Variants in NBAS observed in about 807,000 individuals in gnomAD.
NBAS encodes the protein NBAS subunit of NRZ tethering complex, also known as NAG/BC035112 fusion.
In NBAS, 219 loss-of-function variants were observed where a neutral mutation model predicts 302.5. That is an observed-to-expected ratio of 0.72 (90% CI 0.65 to 0.81). NBAS has a LOEUF of 0.81. NBAS is among the 30% of genes least tolerant of loss of function. NBAS has a pLI of 0.00. For missense variants in NBAS, 2,932 were observed against 2,841.6 expected (o/e 1.03, Z -0.72); for synonymous variants, 1,118 against 1,021.6 (o/e 1.09, Z -1.80).
chr2:15,331,895 T>C (rs75763335), intron 35 of NBAS, among the ~76,000 whole-genome samples: 8,343 of 152,270 alleles, frequency 0.055, 329 homozygotes, highest in Non-Finnish European at 0.082. Flanking sequence ...TCCTGAATTA[T>C]CTGAGTAGGA....
the NBAS span, among the ~76,000 whole-genome samples, chr2:14,888,204 C>T: frequency 3.3e-5 from 5 of 152,172 alleles, no homozygotes; most frequent in Admixed American, 1.3e-4. Flanking sequence ...AATCCCAGCT[C>T]ACGGCAACCT....
chr2:15,516,691 C>G (rs1037593216), intron 9 of NBAS, among the ~76,000 whole-genome samples: 1 of 150,862 alleles, frequency 6.6e-6, no homozygotes, highest in Admixed American at 6.6e-5. Flanking sequence ...CCACTGCACT[C>G]CAGCTTGGGC....
the NBAS span, among the ~76,000 whole-genome samples, chr2:14,847,723 C>T: frequency 1.3e-3 from 199 of 152,236 alleles, no homozygotes; most frequent in African/African-American, 4.5e-3. Flanking sequence ...TGGACAGATC[C>T]TCCAGACAGA....
At chr2:14,854,031 C>A in the NBAS span, among the ~76,000 whole-genome samples, 1 of 145,192 alleles carries the variant, frequency 6.9e-6, no homozygotes, top group Admixed American at 6.9e-5. Context: ...ATGTAACTAA[C>A]CTGCACAATG....
intron 11 of NBAS, among the ~76,000 whole-genome samples, chr2:15,492,027 T>C: frequency 6.6e-6 from 1 of 152,244 alleles, no homozygotes. Context: ...TTGATCCCCT[T>C]AGTTTCATTA....
chr2:15,215,776 C>A (rs1177530064), intron 48 of NBAS, among the ~76,000 whole-genome samples: 1 of 152,122 alleles, frequency 6.6e-6, no homozygotes, highest in Non-Finnish European at 1.5e-5. Flanking sequence ...ATACACCAAG[C>A]AGCCAAGCAC....
At chr2:15,249,994 C>T (rs1271019725) in intron 44 of NBAS, among the ~76,000 whole-genome samples, 1 of 152,042 alleles carries the variant, frequency 6.6e-6, no homozygotes, top group African/African-American at 2.4e-5. Context: ...AAAAAGAGCC[C>T]ACATTGCCAA....
the NBAS span, among the ~76,000 whole-genome samples, chr2:14,894,687 A>G: frequency 1.3e-5 from 2 of 152,182 alleles, no homozygotes; most frequent in Non-Finnish European, 2.9e-5. Context: ...ATAAGCGTTG[A>G]GAGGGGTCAC....
intron 48 of NBAS, among the ~76,000 whole-genome samples, chr2:15,202,007 CT>C (rs892510574): frequency 3.9e-5 from 6 of 152,194 alleles, no homozygotes; most frequent in African/African-American, 1.2e-4. Flanking sequence ...ACTTTTAGCT[CT>C]GCTTCTTTTC....
chr2:15,317,701 A>G (rs1261304763), intron 38 of NBAS, among the ~76,000 whole-genome samples: 1 of 152,196 alleles, frequency 6.6e-6, no homozygotes, highest in East Asian at 1.9e-4. Context: ...TAGAGAAAAA[A>G]AGAGTAAAAA....
Position 15,424,353 on chromosome 2 carries a change from G to C in NBAS, c.2539C>G (p.Gln847Glu), listed in dbSNP as rs1443624712. 1 of 1,613,942 alleles carries C rather than the reference G, an allele frequency of 6.2e-7. No homozygotes were observed. Among genetic ancestry groups the C allele is most frequent in the Non-Finnish European group, 8.5e-7 (1 of 1,179,984 alleles). The change falls in exon 23 of 52, where the codon CAG (glutamine) becomes GAG (glutamate). Residue 847 changes from glutamine (Q) to glutamate (E), a missense_variant. Gln to Glu is a conservative substitution (Grantham distance 29, BLOSUM62 2). Coordinates refer to ENST00000281513, the MANE Select transcript of NBAS (RefSeq NM_015909.4). The part of the protein sequence containing the change: ...LTVEKVMDWY[Q>E]TRAEEIEHYA... ...TGCTCTATTTCCTCTGCTCTGGTCT[G>C]ATACCAGTCCATAACCTTCTCCACC...
chr2:15,009,599 A>T, the NBAS span, among the ~76,000 whole-genome samples: 3 of 127,620 alleles, frequency 2.4e-5, no homozygotes, highest in Non-Finnish European at 5.1e-5. Flanking sequence ...AACCTGCAAC[A>T]TCATACACAC....
chr2:14,841,718 G>A, the NBAS span, among the ~76,000 whole-genome samples: 1 of 151,856 alleles, frequency 6.6e-6, no homozygotes, highest in South Asian at 2.1e-4. Context: ...TACAGGGAGG[G>A]ATAGACTGCA....
chr2:15,420,833 G>C (rs551744128), intron 23 of NBAS, among the ~76,000 whole-genome samples: 1 of 152,234 alleles, frequency 6.6e-6, no homozygotes, highest in East Asian at 1.9e-4. Context: ...AGAAGGGGAA[G>C]AGGGGGAAGC....
chr2:15,056,418 T>A, the NBAS span, among the ~76,000 whole-genome samples: 1 of 152,366 alleles, frequency 6.6e-6, no homozygotes, highest in East Asian at 1.9e-4. Flanking sequence ...TTTTACTGCA[T>A]TTGTAACGTT....
At chr2:14,913,422 C>A in the NBAS span, among the ~76,000 whole-genome samples, 1 of 152,050 alleles carries the variant, frequency 6.6e-6, no homozygotes. Flanking sequence ...CCACAGGAGC[C>A]CATGCCTGAA....
At chr2:15,317,820 C>A (rs921336562) in intron 38 of NBAS, among the ~76,000 whole-genome samples, 1 of 152,162 alleles carries the variant, frequency 6.6e-6, no homozygotes. Flanking sequence ...TTGGAAAACA[C>A]ACTTCAGGAT....
chr2:15,059,966 AAAAAAAAAAC>A, the NBAS span, among the ~76,000 whole-genome samples: 1,786 of 46,890 alleles, frequency 0.038, 43 homozygotes, highest in African/African-American at 0.29. Flanking sequence ...AAAAAAAACA[AAAAAAAAAAC>A]AAAAAAAAAA....
At chr2:15,152,557 T>C in the NBAS span, among the ~76,000 whole-genome samples, 1 of 152,214 alleles carries the variant, frequency 6.6e-6, no homozygotes, top group South Asian at 2.1e-4. Flanking sequence ...ACCATGTCCA[T>C]GTCCATATGA....
Sources: gnomAD v4.1 joint callset for allele counts (sites outside exome capture counted in the v4.1 genomes callset) on GRCh38, gnomAD v4.1.1 for gene constraint, MANE v1.5 for transcripts, NCBI Gene and HGNC (gene_info 2026-07-23, HGNC 2026-07-21) for gene names.